Variants in SHOX observed in about 807,000 individuals in gnomAD.
SHOX encodes the protein SHOX homeobox.
A neutral mutation model predicts 29.6 loss-of-function variants in SHOX; 12 were observed. That is an observed-to-expected ratio of 0.41 (90% CI 0.26 to 0.66). The LOEUF (loss-of-function observed/expected upper bound fraction) is 0.66, where lower values mean the gene tolerates loss of function less well. Ranked by LOEUF, SHOX falls within the 30% of genes least tolerant of loss-of-function variation. SHOX has a pLI of 0.35. For missense variants in SHOX, 499 were observed against 437.7 expected (o/e 1.14, Z -1.25); for synonymous variants, 214 against 200.6 (o/e 1.07, Z -0.57).
chrX:624,949 G>T (rs139267227), intron 1 of SHOX, among the ~76,000 whole-genome samples: 1,614 of 123,170 alleles, frequency 0.013, 48 homozygotes, highest in African/African-American at 0.047. Context: ...CTTTCACTTG[G>T]CAAGATTGCT....
intron 1 of SHOX, among the ~76,000 whole-genome samples, chrX:633,974 C>G (rs750951771): frequency 1.3e-5 from 2 of 152,330 alleles, no homozygotes; most frequent in East Asian, 1.9e-4. Context: ...TTTTGGCACA[C>G]TCTGGTGGGG....
At chrX:641,685 C>T (rs1033926439) in intron 4 of SHOX, among the ~76,000 whole-genome samples, 37 of 68,410 alleles carry the variant, frequency 5.4e-4, no homozygotes, top group Non-Finnish European at 9.3e-4. Flanking sequence ...AAGACTCCAT[C>T]TCAAAAAAAA....
At chrX:658,416 T>A (rs1389154009) in intron 5 of SHOX, among the ~76,000 whole-genome samples, 1 of 152,088 alleles carries the variant, frequency 6.6e-6, no homozygotes, top group Non-Finnish European at 1.5e-5. Context: ...ATGGTTAGTA[T>A]TTTTTGTAGC....
At chrX:655,654 A>G (rs1436535786), downstream of SHOX, among the ~76,000 whole-genome samples, 1 of 129,888 alleles carries the variant, frequency 7.7e-6, no homozygotes, top group Non-Finnish European at 1.6e-5. Context: ...ATATATATAT[A>G]TATGAGTTTC....
At chrX:631,943 G>T (rs1290327236) in intron 1 of SHOX, 5 of 455,980 alleles carry the variant, frequency 1.1e-5, no homozygotes, top group African/African-American at 1.0e-4. Flanking sequence ...AGCGCTCAGC[G>T]CCTGCCGGGC....
rs1057142275 is a variant in SHOX, at chrX:639,908, G to A, written c.487-913G>A. Among the ~76,000 whole-genome samples, 16 of 152,148 alleles carry A rather than the reference G, an allele frequency of 1.1e-4. No homozygotes were observed. In the South Asian group the frequency reaches 2.3e-3, roughly 22 times the overall value. On this transcript the variant is annotated intron_variant, in intron 2 of 4. Transcript: ENST00000686671. ...TCCAGCTACTCGGGAGGCTGAGGCAGGAGAATCGCTTGAACCTGGGAGGTG... is the reference window on the plus strand; with the variant it reads ...TCCAGCTACTCGGGAGGCTGAGGCAAGAGAATCGCTTGAACCTGGGAGGTG...
Position 634,835 on chromosome X carries a change from C to A in SHOX, c.486+9C>A. Reference sequence around the variant, plus strand: ...CCGAGGCGCGCGTGCAGGTAGGAACCCGGGGGCGGGGGCGGGGGGCCCGGA... The same window carrying A: ...CCGAGGCGCGCGTGCAGGTAGGAACACGGGGGCGGGGGCGGGGGGCCCGGA... On this transcript the variant is annotated intron_variant, in intron 2 of 4. Transcript: ENST00000686671. The A allele has an allele frequency of 6.4e-7, 1 of 1,554,956 alleles. No homozygotes were observed. Among genetic ancestry groups the A allele is most frequent in the African/African-American group, 1.4e-5 (1 of 73,426 alleles).
At chrX:631,937 C>G (rs1302472490) in intron 1 of SHOX, 2 of 456,004 alleles carry the variant, frequency 4.4e-6, no homozygotes, top group African/African-American at 2.0e-5. Context: ...CTTCCCAGCG[C>G]TCAGCGCCTG....
chrX:658,437 A>C (rs867457863), intron 5 of SHOX, among the ~76,000 whole-genome samples: 2 of 151,922 alleles, frequency 1.3e-5, no homozygotes, highest in Admixed American at 1.3e-4. Context: ...AGTTGCATGC[A>C]ATATTAGGAT....
downstream of SHOX, among the ~76,000 whole-genome samples, chrX:653,631 A>C (rs1043608454): frequency 7.4e-4 from 113 of 152,266 alleles, 1 homozygote; most frequent in African/African-American, 2.5e-3. Context: ...TTAAAAAAAA[A>C]AAAATTAACT....
Position 644,266 on chromosome X carries a change from G to C in SHOX, c.634-125G>C, listed in dbSNP as rs28630569. 0.011 allele frequency: 14,164 copies of C among 1,245,924 alleles called. 1,313 individuals are homozygous for C. The African/African-American group carries it at 0.19, about 17-fold the overall frequency. The allele number at this position is 1,245,924 out of a possible 1,614,324, so 77.2% of individuals were successfully genotyped here. A position where few individuals can be genotyped will look rare whatever the true frequency, so the allele number is the denominator to read the frequency against. On this transcript the variant is annotated intron_variant, in intron 4 of 4. Transcript: ENST00000686671. Reference sequence around the variant, plus strand: ...AAGGCGGGTGTGGGGTGGTCTCCACGGCTGGAGAAGGGGCGACGCTCCCTA... The same window carrying C: ...AAGGCGGGTGTGGGGTGGTCTCCACCGCTGGAGAAGGGGCGACGCTCCCTA...
intron 2 of SHOX, among the ~76,000 whole-genome samples, chrX:638,214 G>C (rs908365968): frequency 1.3e-5 from 2 of 152,124 alleles, no homozygotes; most frequent in African/African-American, 4.8e-5. Flanking sequence ...TGATTTATTA[G>C]CGCTTCACGC....
At chrX:657,946 T>C (rs1023284160) in intron 5 of SHOX, among the ~76,000 whole-genome samples, 2 of 152,164 alleles carry the variant, frequency 1.3e-5, no homozygotes, top group African/African-American at 4.8e-5. Flanking sequence ...AGGATTACTT[T>C]GGAAGTTTAG....
intron 2 of SHOX, among the ~76,000 whole-genome samples, chrX:637,162 G>T (rs1450423167): frequency 2.0e-5 from 3 of 151,912 alleles, no homozygotes; most frequent in Non-Finnish European, 1.5e-5. Flanking sequence ...TAGGGCGTCT[G>T]TGGCCTCAGT....
chrX:634,950 T>G, intron 2 of SHOX, 124 bp downstream of exon 2: 2 of 1,035,574 alleles, frequency 1.9e-6, no homozygotes, highest in Non-Finnish European at 2.8e-6. Flanking sequence ...GCGGGGAGGT[T>G]GGGTGAGGGA....
At position 641,090 on chromosome X, in the gene SHOX, A is replaced by G. The variant is rs767188663; in HGVS notation, c.633+3A>G. 9 of 1,613,592 alleles carry G rather than the reference A, an allele frequency of 5.6e-6. No individual in the cohort carries two copies. Among genetic ancestry groups the G allele is most frequent in the Non-Finnish European group, 7.6e-6 (9 of 1,179,672 alleles). On this transcript the variant is annotated splice_donor_region_variant and intron_variant, in intron 4 of 4. Coordinates refer to ENST00000686671, the MANE Select transcript of SHOX (RefSeq NM_000451.4). ...CCTTACGGATGCCTTTCCAACAGGT[A>G]GCTCACTTTTTCTTCCTCTGAAGAT...
Position 634,757 on chromosome X carries a change from C to A in SHOX, c.417C>A (p.Thr139=). The A allele has an allele frequency of 1.9e-6, 3 of 1,610,880 alleles. No homozygotes were observed. Among genetic ancestry groups the A allele is most frequent in the South Asian group, 2.2e-5 (2 of 90,458 alleles). ...LNELERLFDE[T]HYPDAFMREE... ...AGCTCGAGCGACTCTTCGACGAGAC[C>A]CATTACCCCGACGCCTTCATGCGCG... is the stretch of plus-strand genomic sequence containing the variant. Residue 139 remains threonine, a synonymous_variant, in exon 2 of 5, where the codon ACC becomes ACA. Transcript: ENST00000686671.
In SHOX at chrX:645,278, C is replaced by A; in HGVS notation, c.*642C>A. ...CTTTGGAAAGGGAGGGGAGGGAGAC[C>A]CGAACCTCCCACGTTGGGACTCCCA... On this transcript the variant is annotated 3_prime_UTR_variant, in exon 5 of 5. Transcript: ENST00000686671. 1 of 151,858 alleles carries A rather than the reference C, an allele frequency of 6.6e-6. No individual in the cohort carries two copies. The highest frequency in any genetic ancestry group is 1.5e-5 in the Non-Finnish European group (1 of 67,996). The allele number at this position is 151,858 out of a possible 1,614,324, so 9.4% of individuals were successfully genotyped here. A position where few individuals can be genotyped will look rare whatever the true frequency, so the allele number is the denominator to read the frequency against.
In SHOX at chrX:646,678, T is replaced by G. The variant is rs2052969768; in HGVS notation, c.*2042T>G. 2 of 152,168 alleles carry G rather than the reference T, an allele frequency of 1.3e-5. No homozygotes were observed. The highest frequency in any genetic ancestry group is 4.8e-5 in the African/African-American group (2 of 41,442). 9.4% of individuals were successfully genotyped at this position (152,168 alleles called of 1,614,324 possible). ...AAACCAAAAGTCCCCTTCAACATTT[T>G]TTATGTCAAAATGTTACAACCGCTG... is the stretch of plus-strand genomic sequence containing the variant. On this transcript the variant is annotated 3_prime_UTR_variant, in exon 5 of 5. Transcript: ENST00000686671.
Sources: gnomAD v4.1 joint callset for allele counts (sites outside exome capture counted in the v4.1 genomes callset) on GRCh38, gnomAD v4.1.1 for gene constraint, MANE v1.5 for transcripts, NCBI Gene and HGNC (gene_info 2026-07-23, HGNC 2026-07-21) for gene names.